The following PIEZO2 variants were observed in gnomAD, a reference collection of about 807,000 sequenced individuals.
The protein encoded by PIEZO2 is piezo-type mechanosensitive ion channel component 2.
In PIEZO2, 172 loss-of-function variants were observed where a neutral mutation model predicts 337.3. That is an observed-to-expected ratio of 0.51 (90% CI 0.45 to 0.58). The LOEUF (loss-of-function observed/expected upper bound fraction) is 0.58, where lower values mean the gene tolerates loss of function less well. PIEZO2 is among the 20% of genes least tolerant of loss of function. PIEZO2 has a pLI of 0.00. For missense variants in PIEZO2, 3,028 were observed against 3,391.3 expected, an observed-to-expected ratio of 0.89 and a Z score of 2.66; for synonymous variants, 1,251 against 1,228.5, an observed-to-expected ratio of 1.02 and a Z score of -0.38.
intron 3 of PIEZO2, among the ~76,000 whole-genome samples, chr18:10,911,479 C>A (rs1414462940): frequency 1.3e-5 from 2 of 149,910 alleles, no homozygotes; most frequent in African/African-American, 4.9e-5. Context: ...ATGTGGCCAG[C>A]CGCAATGGCT....
intron 3 of PIEZO2, among the ~76,000 whole-genome samples, chr18:10,968,839 T>A (rs2034119502): frequency 6.6e-6 from 1 of 152,206 alleles, no homozygotes; most frequent in South Asian, 2.1e-4. Context: ...TGTTTAAATA[T>A]CTCTCAAGTA....
rs183506545 is a variant in PIEZO2, at chr18:10,871,392, T to C, written c.353A>G (p.Asn118Ser). The C allele has an allele frequency of 2.0e-6, 3 of 1,537,032 alleles. No homozygotes were observed. Among genetic ancestry groups the C allele is most frequent in the African/African-American group, 2.7e-5 (2 of 73,156 alleles). ...GTCAGGTACAAACACTCTGATCCCA[T>C]TGCCAGCATCAGCTCCCTTTAAGCT... ...FESLKGADAGNGIRVFVPDIG... is the reference protein window; with the variant it reads ...FESLKGADAGSGIRVFVPDIG... The change falls in exon 5 of 56, where the codon AAT becomes AGT. Residue 118 changes from asparagine (N) to serine (S), a missense_variant. Asn to Ser is a conservative substitution (Grantham distance 46, BLOSUM62 1). Coordinates refer to ENST00000674853, the MANE Select transcript of PIEZO2 (RefSeq NM_001378183.1).
rs36042609 is a variant in PIEZO2, at chr18:10,722,957, ATTTTTTT to A, written c.5030-4705_5030-4699del. 2.3e-4 allele frequency among the ~76,000 whole-genome samples: 19 copies of A among 84,310 alleles called. 1 individual carries two copies. Among genetic ancestry groups the A allele is most frequent in the Admixed American group, 5.9e-4 (4 of 6,760 alleles). The allele number at this position is 84,310 out of a possible 152,430, so 55.3% of individuals were successfully genotyped here. On this transcript the variant is annotated intron_variant, in intron 36 of 55. Transcript: ENST00000674853. ...GACAGCATGTGTCCAGGATGCAGTG[ATTTTTTT>A]TTTTTTTTTTTTTTTTTTTTGAGAC...
intron 2 of PIEZO2, among the ~76,000 whole-genome samples, chr18:11,019,657 T>A (rs912888376): frequency 9.8e-5 from 15 of 152,334 alleles, no homozygotes; most frequent in African/African-American, 3.6e-4. Flanking sequence ...TTTATATTGA[T>A]GCTCTTGTCA....
chr18:10,873,718 T>C (rs1568152016), intron 4 of PIEZO2, among the ~76,000 whole-genome samples: 1 of 152,186 alleles, frequency 6.6e-6, no homozygotes, highest in Non-Finnish European at 1.5e-5. Flanking sequence ...AAGAGTCTTC[T>C]AATCTAGGAT....
In PIEZO2 at chr18:10,742,623, G is replaced by A. The variant is rs1598423716; in HGVS notation, c.4515-8C>T. The A allele has an allele frequency of 1.3e-6, 2 of 1,536,546 alleles. No homozygotes were observed. Among genetic ancestry groups the A allele is most frequent in the Non-Finnish European group, 1.7e-6 (2 of 1,146,570 alleles). ...GCCTTGATGCGATCCATCCTATAAAGTAAAATAACATTAGTAATGCCAAGA... is the reference window on the plus strand; with the variant it reads ...GCCTTGATGCGATCCATCCTATAAAATAAAATAACATTAGTAATGCCAAGA... On this transcript the variant is annotated splice_region_variant and splice_polypyrimidine_tract_variant and intron_variant, in intron 31 of 55. Transcript: ENST00000674853.
At chr18:10,965,208 C>A (rs563455825) in intron 3 of PIEZO2, among the ~76,000 whole-genome samples, 1 of 152,266 alleles carries the variant, frequency 6.6e-6, no homozygotes, top group East Asian at 1.9e-4. Context: ...GAAGAACCAC[C>A]AAACTGCTTT....
chr18:10,683,673 A>T (rs552292655), intron 49 of PIEZO2, among the ~76,000 whole-genome samples: 11 of 152,342 alleles, frequency 7.2e-5, no homozygotes, highest in African/African-American at 2.2e-4. Flanking sequence ...ACACATAGAT[A>T]TGCAAACAAG....
intron 36 of PIEZO2, chr18:10,725,105 A>G: frequency 2.0e-6 from 3 of 1,483,362 alleles, no homozygotes; most frequent in South Asian, 1.1e-5. Context: ...TACACCTACA[A>G]TCCACAGTTC....
chr18:10,816,940 A>C (rs2040382916), intron 7 of PIEZO2, among the ~76,000 whole-genome samples: 1 of 152,154 alleles, frequency 6.6e-6, no homozygotes, highest in South Asian at 2.1e-4. Context: ...GGGGCTCATC[A>C]AGCAGAGGAA....
intron 33 of PIEZO2, among the ~76,000 whole-genome samples, chr18:10,737,388 A>G (rs969023451): frequency 6.6e-6 from 1 of 152,166 alleles, no homozygotes; most frequent in Non-Finnish European, 1.5e-5. Context: ...CAGTAACAAC[A>G]AAAACACCAC....
Position 11,070,244 on chromosome 18 carries a change from T to G in PIEZO2, c.65-4022A>C, listed in dbSNP as rs1489144197. Among the ~76,000 whole-genome samples, 2 of 152,242 alleles carry G rather than the reference T, an allele frequency of 1.3e-5. No homozygotes were observed. Among genetic ancestry groups the G allele is most frequent in the East Asian group, 3.8e-4 (2 of 5,202 alleles). Reference sequence around the variant, plus strand: ...ACTGTAATACAATGGTAAGGATTTATGTATCTAAACATATCTAAATACAGA... The same window carrying G: ...ACTGTAATACAATGGTAAGGATTTAGGTATCTAAACATATCTAAATACAGA... On this transcript the variant is annotated intron_variant, in intron 1 of 55. Transcript: ENST00000674853. This position sits in a 1 kb window ranked among gnomAD's most constrained non-coding sequence, Gnocchi z 4.3.
intron 2 of PIEZO2, among the ~76,000 whole-genome samples, chr18:11,025,366 G>A (rs1216305313): frequency 2.0e-5 from 3 of 152,116 alleles, no homozygotes; most frequent in Non-Finnish European, 4.4e-5. Context: ...TTTTTTGTTT[G>A]ATGGGAAATG....
At chr18:10,700,327 C>T (rs1215712818) in intron 43 of PIEZO2, among the ~76,000 whole-genome samples, 2 of 151,958 alleles carry the variant, frequency 1.3e-5, no homozygotes, top group Non-Finnish European at 2.9e-5. Context: ...TTCATGGCAA[C>T]ATTATATGAA....
Position 10,724,611 on chromosome 18 carries a change from A to G in PIEZO2, c.5030-6352T>C. 3.0e-6 allele frequency: 2 copies of G among 659,458 alleles called. No individual in the cohort carries two copies. Among genetic ancestry groups the G allele is most frequent in the South Asian group, 4.0e-5 (2 of 50,476 alleles). 40.9% of individuals were successfully genotyped at this position (659,458 alleles called of 1,614,324 possible). A position where few individuals can be genotyped will look rare whatever the true frequency, so the allele number is the denominator to read the frequency against. On this transcript the variant is annotated intron_variant, in intron 36 of 55. Coordinates refer to ENST00000674853, the MANE Select transcript of PIEZO2 (RefSeq NM_001378183.1). This position sits in a 1 kb window ranked among gnomAD's most constrained non-coding sequence, Gnocchi z 5.8. ...GTGACCCAGCTGGATGTGACCCCCA[A>G]GACAGAATGGTGCTGGACTCGGGGT...
At chr18:11,022,518 C>G (rs916501349) in intron 2 of PIEZO2, among the ~76,000 whole-genome samples, 7 of 152,114 alleles carry the variant, frequency 4.6e-5, no homozygotes, top group African/African-American at 1.4e-4. Flanking sequence ...GGGCCTCTCT[C>G]CTTGGCTGGC....
intron 2 of PIEZO2, among the ~76,000 whole-genome samples, chr18:10,987,564 A>C (rs1438639402): frequency 6.6e-6 from 1 of 152,164 alleles, no homozygotes; most frequent in Admixed American, 6.6e-5. Context: ...TCAACTCAAA[A>C]TGTATTAAAA....
chr18:10,733,396 C>T (rs1420043258), intron 35 of PIEZO2, among the ~76,000 whole-genome samples: 4 of 151,606 alleles, frequency 2.6e-5, no homozygotes, highest in Non-Finnish European at 4.4e-5. Flanking sequence ...GAGGGGGAAA[C>T]GTCCCAATCC....
chr18:10,758,082 A>G lies in PIEZO2; in HGVS notation c.3810T>C (p.Asp1270=). Residue 1270 remains aspartate, a synonymous_variant, in exon 27 of 56, where the codon GAT becomes GAC. Transcript: ENST00000674853. ...CASLQRQIFE[D]ENKAAVRIMA... is the part of the protein sequence containing the mutation. Reference sequence around the variant, plus strand: ...TGATTCGCACTGCAGCCTTGTTCTCATCCTCAAAAATCTGCCGTTGTAAGG... The same window carrying G: ...TGATTCGCACTGCAGCCTTGTTCTCGTCCTCAAAAATCTGCCGTTGTAAGG... 1 of 1,537,400 alleles carries G rather than the reference A, an allele frequency of 6.5e-7. No homozygotes were observed. Among genetic ancestry groups the G allele is most frequent in the Non-Finnish European group, 8.7e-7 (1 of 1,146,744 alleles).
Sources: gnomAD v4.1 joint callset for allele counts (sites outside exome capture counted in the v4.1 genomes callset) on GRCh38, gnomAD v4.1.1 for gene constraint, Gnocchi (gnomAD v3.1) non-coding constraint, MANE v1.5 for transcripts, NCBI Gene and HGNC (gene_info 2026-07-23, HGNC 2026-07-21) for gene names.